Variants in ANO3 observed in about 807,000 individuals in gnomAD.
ANO3 encodes the protein anoctamin-3.
In ANO3, 99 loss-of-function variants were observed where a neutral mutation model predicts 144.8. The ratio of observed to expected loss-of-function variants is 0.68; its 90% CI spans 0.58 to 0.81. The LOEUF (loss-of-function observed/expected upper bound fraction) is 0.81, where lower values mean the gene tolerates loss of function less well. Ranked by LOEUF, ANO3 falls within the 30% of genes least tolerant of loss-of-function variation. ANO3 has a pLI of 0.00. For missense variants in ANO3, 905 were observed against 1,202.2 expected (o/e 0.75, Z 3.66); for synonymous variants, 414 against 392.6 (o/e 1.05, Z -0.64).
intron 1 of ANO3, among the ~76,000 whole-genome samples, chr11:26,360,455 A>G (rs990657861): frequency 6.6e-6 from 1 of 152,084 alleles, no homozygotes; most frequent in Non-Finnish European, 1.5e-5. Context: ...TTGGCATTCT[A>G]CTGAGAACAG....
chr11:26,231,215 T>C (rs1477523783), intron 1 of ANO3, among the ~76,000 whole-genome samples: 3 of 152,186 alleles, frequency 2.0e-5, no homozygotes, highest in Non-Finnish European at 4.4e-5. Context: ...CAGATAACTT[T>C]AGTAGACAGG....
At chr11:26,566,071 A>T (rs1046549902) in intron 14 of ANO3, among the ~76,000 whole-genome samples, 4 of 151,924 alleles carry the variant, frequency 2.6e-5, no homozygotes, top group Admixed American at 2.6e-4. Context: ...GCCATTGAGT[A>T]CTGCTTTCCA....
chr11:26,306,591 G>C (rs1854389019), upstream of ANO3, among the ~76,000 whole-genome samples: 1 of 152,104 alleles, frequency 6.6e-6, no homozygotes, highest in South Asian at 2.1e-4. Flanking sequence ...TGAAGCCTTG[G>C]AGGTCAAGGC....
At chr11:26,396,965 A>G (rs1252435659) in intron 1 of ANO3, among the ~76,000 whole-genome samples, 1 of 147,232 alleles carries the variant, frequency 6.8e-6, no homozygotes, top group Non-Finnish European at 1.5e-5. Flanking sequence ...CTTCAGATAA[A>G]TAAGACTGAG....
chr11:26,267,832 C>T (rs984953056), intron 1 of ANO3, among the ~76,000 whole-genome samples: 7 of 152,122 alleles, frequency 4.6e-5, no homozygotes, highest in African/African-American at 1.4e-4. Context: ...AAAGCTTCTG[C>T]TTGCCCTAAT....
intron 1 of ANO3, among the ~76,000 whole-genome samples, chr11:26,252,234 G>C (rs910080434): frequency 6.6e-6 from 1 of 152,160 alleles, no homozygotes; most frequent in African/African-American, 2.4e-5. Context: ...GACTTAGTCT[G>C]ATTCTAGAGT....
intron 1 of ANO3, among the ~76,000 whole-genome samples, chr11:26,415,088 G>GTGTGTT (rs376530439): frequency 6.6e-6 from 1 of 150,694 alleles, no homozygotes; most frequent in Admixed American, 6.6e-5. Flanking sequence ...GTGTGTGTGT[G>GTGTGTT]TTTGGGAGTG....
chr11:26,537,749 A>G (rs1310233957), intron 10 of ANO3, among the ~76,000 whole-genome samples: 1 of 152,192 alleles, frequency 6.6e-6, no homozygotes, highest in Admixed American at 6.5e-5. Flanking sequence ...GCTTGATCCA[A>G]CTTGAGATCA....
At chr11:26,192,476 T>G (rs936096022) in intron 1 of ANO3, among the ~76,000 whole-genome samples, 2 of 152,182 alleles carry the variant, frequency 1.3e-5, no homozygotes, top group Admixed American at 6.5e-5. Context: ...GGTTAGTCCA[T>G]AGAAATTTAA....
chr11:26,624,637 T>A, intron 18 of ANO3, 139 bp downstream of exon 18: 1 of 615,320 alleles, frequency 1.6e-6, no homozygotes, highest in Non-Finnish European at 2.9e-6. Context: ...AGAGGGGTAG[T>A]ATAGGAAGTT....
At chr11:26,376,886 A>G (rs1381177) in intron 1 of ANO3, among the ~76,000 whole-genome samples, 40,584 of 151,982 alleles carry the variant, frequency 0.27, 6,092 homozygotes, top group African/African-American at 0.41. Flanking sequence ...TCCTTATAGG[A>G]GCCATGCAAA....
chr11:26,558,657 A>G (rs550302973), intron 13 of ANO3, among the ~76,000 whole-genome samples: 1 of 152,282 alleles, frequency 6.6e-6, no homozygotes, highest in East Asian at 1.9e-4. Context: ...CATCTTTTCT[A>G]TGATGATATT....
At chr11:26,385,472 GAAA>G (rs1453730904) in intron 1 of ANO3, among the ~76,000 whole-genome samples, 24 of 152,162 alleles carry the variant, frequency 1.6e-4, no homozygotes, top group African/African-American at 2.4e-5. Context: ...GGTTGTAGGG[GAAA>G]AAAATCTTTT....
chr11:26,481,612 T>C (rs1029678422), intron 4 of ANO3, among the ~76,000 whole-genome samples: 1 of 152,200 alleles, frequency 6.6e-6, no homozygotes, highest in African/African-American at 2.4e-5. Context: ...TCAAGGAGCT[T>C]GATCATGTCT....
At chr11:26,288,908 T>G (rs1306268157) in intron 1 of ANO3, among the ~76,000 whole-genome samples, 1 of 152,174 alleles carries the variant, frequency 6.6e-6, no homozygotes, top group East Asian at 1.9e-4. Flanking sequence ...ATTTCAAATT[T>G]ATTACAACTT....
intron 17 of ANO3, among the ~76,000 whole-genome samples, chr11:26,612,082 G>A (rs555813823): frequency 4.6e-5 from 7 of 151,990 alleles, no homozygotes; most frequent in East Asian, 3.9e-4. Flanking sequence ...TTTAATTGGA[G>A]AATTTGTTCC....
At chr11:26,288,027 T>A (rs1056597729) in intron 1 of ANO3, 2 of 152,340 alleles carry the variant, frequency 1.3e-5, no homozygotes, top group African/African-American at 4.8e-5. Flanking sequence ...CCAGATATAC[T>A]ATGCGTTGTT....
At position 26,531,244 on chromosome 11, in the gene ANO3, C is replaced by G; in HGVS notation, c.777C>G (p.Ala259=). Residue 259 remains alanine (A), a synonymous_variant, in exon 8 of 27, where the codon GCC becomes GCG. Coordinates refer to ENST00000256737, the MANE Select transcript of ANO3 (RefSeq NM_031418.4). ...TYFRRIKNWM[A]QNPMVLDKSA... is the part of the protein sequence containing the mutation. ...TTAGAAGAATCAAAAACTGGATGGC[C>G]CAAAACCCAATGGTTCTTGACAAGT... The G allele has an allele frequency of 6.2e-7, 1 of 1,614,038 alleles. No homozygotes were observed. The highest frequency in any genetic ancestry group is 8.5e-7 in the Non-Finnish European group (1 of 1,179,982).
chr11:26,416,311 C>A (rs193270337), intron 1 of ANO3, among the ~76,000 whole-genome samples: 1 of 152,064 alleles, frequency 6.6e-6, no homozygotes, highest in Non-Finnish European at 1.5e-5. Flanking sequence ...TTAGTTGACA[C>A]CCAGGGTAAT....
Sources: allele counts gnomAD v4.1 joint callset (sites outside exome capture counted in the v4.1 genomes callset), GRCh38; gene constraint gnomAD v4.1.1; transcripts MANE v1.5; gene names NCBI Gene and HGNC (gene_info 2026-07-23, HGNC 2026-07-21).